The following NISCH variants were observed in gnomAD, a reference collection of about 807,000 sequenced individuals.
NISCH encodes the protein I-1 receptor candidate protein.
A neutral mutation model predicts 138.4 loss-of-function variants in NISCH; 55 were observed. That is an observed-to-expected ratio of 0.40 (90% confidence interval 0.32 to 0.50). The LOEUF (loss-of-function observed/expected upper bound fraction) is 0.50, where lower values mean the gene tolerates loss of function less well. Ranked by LOEUF, NISCH falls within the 20% of genes least tolerant of loss-of-function variation. NISCH has a pLI of 0.71. For synonymous variants in NISCH, 860 were observed against 861.5 expected (o/e 1.00, Z 0.03); for missense variants, 1,643 against 2,005.5 (o/e 0.82, Z 3.45).
At chr3:52,460,021 G>A (rs13074899) in intron 3 of NISCH, among the ~76,000 whole-genome samples, 150,780 of 150,782 alleles carry the variant, frequency 1, 75,389 homozygotes, top group Non-Finnish European at 1. Flanking sequence ...TCTCTACTAA[G>A]AATACAAAAA....
At chr3:52,461,874 A>G (rs2153230743) in intron 3 of NISCH, among the ~76,000 whole-genome samples, 1 of 152,270 alleles carries the variant, frequency 6.6e-6, no homozygotes, top group South Asian at 2.1e-4. Flanking sequence ...AAAAAAAAAA[A>G]AAAAGAAATA....
At chr3:52,474,095 T>C (rs938526239) in intron 7 of NISCH, among the ~76,000 whole-genome samples, 2 of 152,076 alleles carry the variant, frequency 1.3e-5, no homozygotes, top group African/African-American at 4.8e-5. Context: ...AAATAAAAAA[T>C]GTCATTGGTG....
intron 13 of NISCH, 155 bp downstream of exon 13, chr3:52,480,450 G>T (rs574824628): frequency 1.9e-6 from 3 of 1,539,350 alleles, no homozygotes; most frequent in South Asian, 2.4e-5. Flanking sequence ...CTCGCGGGGG[G>T]ACACATGGCA....
At chr3:52,473,223 G>A (rs1707000584) in intron 6 of NISCH, among the ~76,000 whole-genome samples, 1 of 152,234 alleles carries the variant, frequency 6.6e-6, no homozygotes, top group Non-Finnish European at 1.5e-5. Context: ...AAGTGAAGGG[G>A]AAACCCGACC....
chr3:52,474,427 G>T lies in NISCH; in HGVS notation c.765+598G>T, dbSNP rs531274710. 6.6e-5 allele frequency among the ~76,000 whole-genome samples: 10 copies of T among 152,230 alleles called. No individual in the cohort carries two copies. The South Asian group carries it at 2.1e-3, about 32-fold the overall frequency. On this transcript the variant is annotated intron_variant, in intron 7 of 20. Coordinates refer to ENST00000345716, the MANE Select transcript of NISCH (RefSeq NM_007184.4). ...TTCTCCTGCCTCAGCCTCCCAAGTA[G>T]CTGGGACTACAGGTGCCCGCCACCA...
chr3:52,489,229 C>A, intron 16 of NISCH, 107 bp from the exon 17 acceptor site: 1 of 1,361,954 alleles, frequency 7.3e-7, no homozygotes, highest in Non-Finnish European at 1.0e-6. Flanking sequence ...CCCAGTAACC[C>A]AGAGGTGATG....
intron 13 of NISCH, 113 bp downstream of exon 13, chr3:52,480,408 A>C: frequency 3.2e-6 from 5 of 1,553,280 alleles, no homozygotes; most frequent in Non-Finnish European, 4.4e-6. Context: ...AGGGTCAGAC[A>C]CAGGGAGGGC....
Position 52,484,627 on chromosome 3 carries a change from C to T in NISCH, c.1643C>T (p.Pro548Leu), listed in dbSNP as rs1392911021. 1.9e-6 allele frequency: 3 copies of T among 1,614,022 alleles called. No individual in the cohort carries two copies. The South Asian group carries it at 3.3e-5, about 18-fold the overall frequency. Reference sequence around the variant, plus strand: ...TGTTCTGATTCCTTGGAGTCCATCCCTGCGGGACAGGTAATGCCCTCTTCC... The same window carrying T: ...TGTTCTGATTCCTTGGAGTCCATCCTTGCGGGACAGGTAATGCCCTCTTCC... ...QGCSDSLESIPAGQAASDDLR... is the reference protein window; with the variant it reads ...QGCSDSLESILAGQAASDDLR... Residue 548 changes from proline to leucine, a missense_variant, in exon 14 of 21, where the codon CCT (proline) becomes CTT (leucine). Physicochemically the swap from Pro to Leu is moderately conservative, Grantham distance 98. Coordinates refer to ENST00000345716, the MANE Select transcript of NISCH (RefSeq NM_007184.4).
chr3:52,476,232 T>G, intron 7 of NISCH: 1 of 572,784 alleles, frequency 1.7e-6, no homozygotes, highest in Non-Finnish European at 3.1e-6. Context: ...GGGCCAGGAC[T>G]TAATTCTAAG....
chr3:52,478,352 A>G, intron 10 of NISCH, 70 bp downstream of exon 10: 1 of 1,606,186 alleles, frequency 6.2e-7, no homozygotes, highest in Non-Finnish European at 8.5e-7. Flanking sequence ...GAAGAATGTT[A>G]AGATTCCTTT....
At chr3:52,489,296 T>A in intron 16 of NISCH, 40 bp from the exon 17 acceptor site, 4 of 1,582,360 alleles carry the variant, frequency 2.5e-6, no homozygotes, top group Non-Finnish European at 3.4e-6. Flanking sequence ...AATCTTCATT[T>A]GGGGTCCGCT....
chr3:52,478,640 G>A (rs1453328634), intron 11 of NISCH, 63 bp downstream of exon 11: 1 of 1,435,992 alleles, frequency 7.0e-7, no homozygotes, highest in African/African-American at 1.4e-5. Flanking sequence ...AGTCTGCATG[G>A]GCGGTAGGGG....
rs959621140 is a variant in NISCH, at chr3:52,473,506, T to C, written c.670-228T>C. ...CAGAGGAAATGGAATTTGTGGTCCATTGTGAGTCTGAGGGGCCAGGCACCT... is the reference window on the plus strand; with the variant it reads ...CAGAGGAAATGGAATTTGTGGTCCACTGTGAGTCTGAGGGGCCAGGCACCT... On this transcript the variant is annotated intron_variant, in intron 6 of 20. Coordinates refer to ENST00000345716, the MANE Select transcript of NISCH (RefSeq NM_007184.4). Among the ~76,000 whole-genome samples, 5 of 152,132 alleles carry C rather than the reference T, an allele frequency of 3.3e-5. No individual in the cohort carries two copies. The South Asian group carries it at 6.2e-4, about 19-fold the overall frequency.
chr3:52,455,899 G>A (rs893511453), intron 1 of NISCH, among the ~76,000 whole-genome samples, 165 bp downstream of exon 1: 3 of 151,926 alleles, frequency 2.0e-5, no homozygotes, highest in Admixed American at 2.0e-4. Flanking sequence ...AAGGGATCTG[G>A]GCCCCGCAGG....
intron 3 of NISCH, among the ~76,000 whole-genome samples, chr3:52,465,906 C>T (rs1706767152): frequency 6.6e-6 from 1 of 152,110 alleles, no homozygotes; most frequent in Non-Finnish European, 1.5e-5. Context: ...ATGTGCTAGC[C>T]ATTACTAGGT....
chr3:52,474,325 T>C (rs1027042090), intron 7 of NISCH, among the ~76,000 whole-genome samples: 32 of 148,280 alleles, frequency 2.2e-4, no homozygotes, highest in Non-Finnish European at 3.3e-4. Context: ...GAGACAGAGT[T>C]TTGCTCTGTC....
chr3:52,489,252 A>C, intron 16 of NISCH, 84 bp from the exon 17 acceptor site: 1 of 1,477,064 alleles, frequency 6.8e-7, no homozygotes, highest in Non-Finnish European at 9.2e-7. Flanking sequence ...TGATGCACAC[A>C]GTCTCCTCAC....
At position 52,492,446 on chromosome 3, in the gene NISCH, G is replaced by C; in HGVS notation, c.4479G>C (p.Leu1493=). ...ISLLARQWEA[L]CGRELPVELT... ...TGTTGGCTCGCCAGTGGGAGGCCCT[G>C]TGTGGCCGTGAGCTGCCTGTCGAGC... is the stretch of plus-strand genomic sequence containing the variant. The change falls in exon 21 of 21, where the codon CTG becomes CTC. Residue 1493 remains leucine (L), a synonymous_variant. Coordinates refer to ENST00000345716, the MANE Select transcript of NISCH (RefSeq NM_007184.4). The C allele has an allele frequency of 1.2e-6, 2 of 1,610,234 alleles. No homozygotes were observed. Among genetic ancestry groups the C allele is most frequent in the Non-Finnish European group, 1.7e-6 (2 of 1,178,900 alleles).
chr3:52,466,495 G>T (rs1173099223), intron 3 of NISCH, among the ~76,000 whole-genome samples: 1 of 151,698 alleles, frequency 6.6e-6, no homozygotes, highest in Non-Finnish European at 1.5e-5. Context: ...AACCCAGGAG[G>T]CGGAGGTTGT....
Sources: gnomAD v4.1 joint callset for allele counts (sites outside exome capture counted in the v4.1 genomes callset) on GRCh38, gnomAD v4.1.1 for gene constraint, MANE v1.5 for transcripts, NCBI Gene and HGNC (gene_info 2026-07-23, HGNC 2026-07-21) for gene names.